Variants in ASB4 observed in about 807,000 individuals in gnomAD.
ASB4 encodes the protein ankyrin repeat and SOCS box containing 4.
A neutral mutation model predicts 38.6 loss-of-function variants in ASB4; 35 were observed. The observed-to-expected ratio is 0.91, with a 90% CI of 0.69 to 1.20. The LOEUF (loss-of-function observed/expected upper bound fraction) is 1.20. Among genes scored for constraint, ASB4 ranks in the 50% most tolerant of loss-of-function variants. ASB4 has a pLI of 0.00. For synonymous variants in ASB4, 195 were observed against 201.3 expected (o/e 0.97, Z 0.26); for missense variants, 557 against 527.2 (o/e 1.06, Z -0.55).
At chr7:95,490,815 C>T (rs146984848) in intron 1 of ASB4, among the ~76,000 whole-genome samples, 2,030 of 152,370 alleles carry the variant, frequency 0.013, 60 homozygotes, top group Admixed American at 0.055. Flanking sequence ...AACACACACG[C>T]GCACGCGTGC....
At chr7:95,497,868 C>T (rs572698779) in intron 2 of ASB4, among the ~76,000 whole-genome samples, 2 of 152,130 alleles carry the variant, frequency 1.3e-5, no homozygotes, top group African/African-American at 4.8e-5. Context: ...ATAAATTAGA[C>T]CTTTTTATTG....
exon 1 of ASB4, chr7:95,478,574 G>C (rs192869060): frequency 2.0e-5 from 3 of 152,234 alleles, no homozygotes; most frequent in Non-Finnish European, 4.4e-5. Context: ...TCGTGCCAGC[G>C]ACCAAGATTC....
At chr7:95,480,163 A>G (rs1790011046) in intron 1 of ASB4, among the ~76,000 whole-genome samples, 1 of 152,148 alleles carries the variant, frequency 6.6e-6, no homozygotes, top group African/African-American at 2.4e-5. Context: ...AGGGTGGCTT[A>G]TGGTGTGGCT....
At chr7:95,546,701 G>C in the ASB4 span, among the ~76,000 whole-genome samples, 32 of 152,254 alleles carry the variant, frequency 2.1e-4, no homozygotes, top group African/African-American at 6.7e-4. Context: ...TGTCATCCTT[G>C]GATTTCATTC....
chr7:95,528,692 T>C (rs1201425268), intron 3 of ASB4: 3 of 1,088,078 alleles, frequency 2.8e-6, no homozygotes, highest in Non-Finnish European at 3.3e-6. Context: ...TGAAATTAGC[T>C]TGTAGCCATG....
At chr7:95,528,612 A>G in intron 3 of ASB4, 1 of 1,330,662 alleles carries the variant, frequency 7.5e-7, no homozygotes, top group Non-Finnish European at 9.6e-7. Context: ...AAAGGTGAAT[A>G]GTGTTAGACA....
At position 95,528,131 on chromosome 7, in the gene ASB4, A is replaced by G; in HGVS notation, c.806A>G (p.His269Arg). 6.2e-7 allele frequency: 1 copy of G among 1,614,218 alleles called. No individual in the cohort carries two copies. The highest frequency in any genetic ancestry group is 8.5e-7 in the Non-Finnish European group (1 of 1,180,038). The stretch of plus-strand genomic sequence containing the variant: ...TGGAACTGTGACCACGTGCTCATGC[A>G]CATGATGCTGGAAGCTGGCGCCGAA... Reference protein sequence around the residue: ...AAWNCDHVLMHMMLEAGAEAN... With the variant: ...AAWNCDHVLMRMMLEAGAEAN... The change falls in exon 3 of 5, where the codon CAC becomes CGC. Residue 269 changes from histidine (H) to arginine (R), a missense_variant. Transcript: ENST00000325885.
intron 2 of ASB4, among the ~76,000 whole-genome samples, chr7:95,496,908 A>G (rs1790258051): frequency 6.6e-6 from 1 of 152,186 alleles, no homozygotes; most frequent in South Asian, 2.1e-4. Flanking sequence ...CAGCCATTAA[A>G]AAAGAACGCC....
chr7:95,478,895 T>C (rs1246191482), intron 1 of ASB4, among the ~76,000 whole-genome samples: 1 of 152,182 alleles, frequency 6.6e-6, no homozygotes, highest in Non-Finnish European at 1.5e-5. Flanking sequence ...CGCCGAACTT[T>C]AGCGCTGAAG....
rs867066346 is a variant in ASB4 at position 95,515,267 on chromosome 7, C to T, written c.488-12546C>T. Among the ~76,000 whole-genome samples, 53 of 72,634 alleles carry T rather than the reference C, an allele frequency of 7.3e-4. 2 individuals are homozygous for T. The South Asian group carries it at 0.017, about 23-fold the overall frequency. The allele number at this position is 72,634 out of a possible 152,430, so 47.7% of individuals were successfully genotyped here. On this transcript the variant is annotated intron_variant, in intron 2 of 4. Transcript: ENST00000325885. ...TCTTTCTTTCCTTCTTTCTTTCTTT[C>T]TCTTTCTTTCTTTCTTTCTTTCTTT...
the ASB4 span, among the ~76,000 whole-genome samples, chr7:95,473,047 A>G: frequency 6.6e-6 from 1 of 152,174 alleles, no homozygotes; most frequent in East Asian, 1.9e-4. Context: ...GGTAGCTCCT[A>G]ATATCTTTTC....
At chr7:95,492,703 T>G (rs1790189701) in intron 1 of ASB4, among the ~76,000 whole-genome samples, 1 of 152,214 alleles carries the variant, frequency 6.6e-6, no homozygotes, top group South Asian at 2.1e-4. Flanking sequence ...AAATTTCCAA[T>G]CAGTTGTCAC....
the ASB4 span, among the ~76,000 whole-genome samples, chr7:95,547,532 A>T: frequency 6.6e-6 from 1 of 152,330 alleles, no homozygotes; most frequent in Non-Finnish European, 1.5e-5. Flanking sequence ...ATAAATATTT[A>T]TGCATTCTCC....
chr7:95,497,920 A>AC (rs1443947704), intron 2 of ASB4, among the ~76,000 whole-genome samples: 1 of 151,956 alleles, frequency 6.6e-6, no homozygotes, highest in African/African-American at 2.4e-5. Context: ...AAATTGATCT[A>AC]CCCCCCAGTA....
Position 95,537,038 on chromosome 7 carries a change from A to G in ASB4, c.1092+488A>G, listed in dbSNP as rs536539889. On this transcript the variant is annotated intron_variant, in intron 4 of 4. Transcript: ENST00000325885. ...CTTTCAGACTTTGCTACCAATGTAT[A>G]CCAGTCCTTCCCACTGAACACCCTT... 3.9e-5 allele frequency among the ~76,000 whole-genome samples: 6 copies of G among 152,318 alleles called. No homozygotes were observed. In the East Asian group the frequency reaches 1.2e-3, roughly 29 times the overall value.
chr7:95,493,542 CAG>C (rs972768127), intron 1 of ASB4, among the ~76,000 whole-genome samples: 6 of 152,052 alleles, frequency 3.9e-5, no homozygotes, highest in African/African-American at 1.2e-4. Flanking sequence ...CCCCTCTGGA[CAG>C]AGAGACAATA....
chr7:95,535,763 G>C (rs1208263275), intron 3 of ASB4, among the ~76,000 whole-genome samples: 1 of 152,140 alleles, frequency 6.6e-6, no homozygotes, highest in Non-Finnish European at 1.5e-5. Context: ...TCTTTCATTT[G>C]TTAATGAAAG....
downstream of ASB4, among the ~76,000 whole-genome samples, chr7:95,541,423 A>C (rs1002164163): frequency 3.3e-5 from 5 of 152,120 alleles, no homozygotes; most frequent in African/African-American, 1.2e-4. Context: ...ATATCCTTAG[A>C]GTGAATCTGT....
intron 2 of ASB4, among the ~76,000 whole-genome samples, chr7:95,502,919 A>G (rs527280854): frequency 2.6e-5 from 4 of 152,270 alleles, no homozygotes; most frequent in South Asian, 4.1e-4. Flanking sequence ...ATGCTTACAT[A>G]TCTAATAGAA....
Sources: allele counts gnomAD v4.1 joint callset (sites outside exome capture counted in the v4.1 genomes callset), GRCh38; gene constraint gnomAD v4.1.1; transcripts MANE v1.5; gene names NCBI Gene and HGNC (gene_info 2026-07-23, HGNC 2026-07-21).